Variants in UBE2M observed in about 807,000 individuals in gnomAD.
UBE2M encodes ubiquitin conjugating enzyme E2 M, also known as NEDD8-conjugating enzyme Ubc12.
In UBE2M, 2 loss-of-function variants were observed where a neutral mutation model predicts 23.5. That is an observed-to-expected ratio of 0.09 (90% CI 0.03 to 0.27). The LOEUF (loss-of-function observed/expected upper bound fraction) is 0.27. UBE2M is among the 10% of genes least tolerant of loss of function. The pLI, the probability that UBE2M is intolerant of heterozygous loss-of-function variation, is 1.00. For missense variants in UBE2M, 103 were observed against 232.9 expected, an observed-to-expected ratio of 0.44 and a Z score of 3.63; for synonymous variants, 97 against 95.2, an observed-to-expected ratio of 1.02 and a Z score of -0.11.
intron 1 of UBE2M, among the ~76,000 whole-genome samples, chr19:58,557,411 C>T (rs2053899123): frequency 6.6e-6 from 1 of 151,908 alleles, no homozygotes. Flanking sequence ...AACTCCTGGC[C>T]CAGGGTGACC....
At chr19:58,557,824 A>T (rs1041778727) in intron 1 of UBE2M, among the ~76,000 whole-genome samples, 1 of 151,794 alleles carries the variant, frequency 6.6e-6, no homozygotes, top group Non-Finnish European at 1.5e-5. Flanking sequence ...CTGGTCCTCC[A>T]ACCTACTTCA....
In UBE2M at chr19:58,558,506, G is replaced by T; in HGVS notation, c.-125C>A. 1 of 333,678 alleles carries T rather than the reference G, an allele frequency of 3.0e-6. No homozygotes were observed. Among genetic ancestry groups the T allele is most frequent in the Non-Finnish European group, 4.3e-6 (1 of 234,700 alleles). The allele number at this position is 333,678 out of a possible 1,614,324, so 20.7% of individuals were successfully genotyped here. A position where few individuals can be genotyped will look rare whatever the true frequency, so the allele number is the denominator to read the frequency against. ...AGCTGCGGCCTCCTCCGCTGCTGCC[G>T]CCACCCGCCCGGCCTGCCGCGCCGC... On this transcript the variant is annotated 5_prime_UTR_variant, in exon 1 of 6. Coordinates refer to ENST00000253023, the MANE Select transcript of UBE2M (RefSeq NM_003969.4). This position sits in a 1 kb window ranked among gnomAD's most constrained non-coding sequence, Gnocchi z 4.7.
rs565813317 is a variant in UBE2M, at chr19:58,555,923, T to TA, written c.*165dup. ...AGCGCCGACCTTAATCACATGGTGT[T>TA]AAAAAAAAAAAAATAACTAGGGGCA... On this transcript the variant is annotated 3_prime_UTR_variant, in exon 6 of 6. Transcript: ENST00000253023. The TA allele has an allele frequency of 0.017, 14,724 of 841,966 alleles. 17 individuals are homozygous for TA. The highest frequency in any genetic ancestry group is 0.035 in the African/African-American group (1,941 of 55,800). The allele number at this position is 841,966 out of a possible 1,614,324, so 52.2% of individuals were successfully genotyped here. A position where few individuals can be genotyped will look rare whatever the true frequency, so the allele number is the denominator to read the frequency against.
In UBE2M at chr19:58,557,044, C is replaced by A. The variant is rs780794393; in HGVS notation, c.204+19G>T. 64 of 1,613,926 alleles carry A rather than the reference C, an allele frequency of 4.0e-5. No individual in the cohort carries two copies. The highest frequency in any genetic ancestry group is 5.1e-5 in the Non-Finnish European group (60 of 1,179,948). ...CACCCTTGGTTTGCTCCTGGGAATTCAGCCATATGCACCCTCACCTCATCA... is the reference window on the plus strand; with the variant it reads ...CACCCTTGGTTTGCTCCTGGGAATTAAGCCATATGCACCCTCACCTCATCA... On this transcript the variant is annotated intron_variant, in intron 2 of 5. Coordinates refer to ENST00000253023, the MANE Select transcript of UBE2M (RefSeq NM_003969.4).
chr19:58,558,253 C>G lies in UBE2M; in HGVS notation c.109+20G>C. ...CTGACCTCCGACCTCCGGCTCCAAC[C>G]CCATCCCCTGACCCCCTACCCTTCT... On this transcript the variant is annotated intron_variant, in intron 1 of 5. Coordinates refer to ENST00000253023, the MANE Select transcript of UBE2M (RefSeq NM_003969.4). This position sits in a 1 kb window ranked among gnomAD's most constrained non-coding sequence, Gnocchi z 4.7. The G allele has an allele frequency of 6.3e-7, 1 of 1,598,108 alleles. No individual in the cohort carries two copies. The highest frequency in any genetic ancestry group is 8.5e-7 in the Non-Finnish European group (1 of 1,172,442).
At position 58,557,054 on chromosome 19, in the gene UBE2M, C is replaced by A. The variant is rs779148259; in HGVS notation, c.204+9G>T. ...TTGCTCCTGGGAATTCAGCCATATG[C>A]ACCCTCACCTCATCAGGACAGATGA... On this transcript the variant is annotated intron_variant, in intron 2 of 5. Coordinates refer to ENST00000253023, the MANE Select transcript of UBE2M (RefSeq NM_003969.4). 3 of 1,613,968 alleles carry A rather than the reference C, an allele frequency of 1.9e-6. No individual in the cohort carries two copies. In the African/African-American group the frequency reaches 4.0e-5, roughly 22 times the overall value.
At position 58,556,397 on chromosome 19, in the gene UBE2M, C is replaced by T; in HGVS notation, c.348-18G>A. ...AGTCCTCTCTGTGGACAGAGAGCAT[C>T]AGGGTCAGGGCTTGGTGAGTGGGAG... On this transcript the variant is annotated intron_variant, in intron 4 of 5. Coordinates refer to ENST00000253023, the MANE Select transcript of UBE2M (RefSeq NM_003969.4). The surrounding 1 kb of genome is among the most constrained non-coding windows in gnomAD (Gnocchi z 4.9). 3.1e-6 allele frequency: 5 copies of T among 1,613,030 alleles called. No individual in the cohort carries two copies. Among genetic ancestry groups the T allele is most frequent in the South Asian group, 1.1e-5 (1 of 91,018 alleles).
In UBE2M at chr19:58,555,951, T is replaced by A; in HGVS notation, c.*138A>T. ...AAAAAAAAAAATAACTAGGGGCACG[T>A]GGCAGGAAGGGGAGGCAAGGCCAAG... is the stretch of plus-strand genomic sequence containing the variant. On this transcript the variant is annotated 3_prime_UTR_variant, in exon 6 of 6. Coordinates refer to ENST00000253023, the MANE Select transcript of UBE2M (RefSeq NM_003969.4). The A allele has an allele frequency of 8.2e-7, 1 of 1,224,476 alleles. No homozygotes were observed. The highest frequency in any genetic ancestry group is 1.1e-6 in the Non-Finnish European group (1 of 906,274). The allele number at this position is 1,224,476 out of a possible 1,614,324, so 75.9% of individuals were successfully genotyped here.
chr19:58,556,518 G>T lies in UBE2M; in HGVS notation c.348-139C>A. ...GGGAGGGAGGGTGTGGAGCAGGACA[G>T]GCCAAGGAGAAAACCAAGGTCAGGC... is the stretch of plus-strand genomic sequence containing the variant. On this transcript the variant is annotated intron_variant, in intron 4 of 5. Coordinates refer to ENST00000253023, the MANE Select transcript of UBE2M (RefSeq NM_003969.4). This position sits in a 1 kb window ranked among gnomAD's most constrained non-coding sequence, Gnocchi z 4.9. The T allele has an allele frequency of 9.1e-7, 1 of 1,104,464 alleles. No homozygotes were observed. Among genetic ancestry groups the T allele is most frequent in the Non-Finnish European group, 1.3e-6 (1 of 773,430 alleles). 68.4% of individuals were successfully genotyped at this position (1,104,464 alleles called of 1,614,324 possible).
At position 58,556,474 on chromosome 19, in the gene UBE2M, A is replaced by G. The variant is rs2053891379; in HGVS notation, c.348-95T>C. The G allele has an allele frequency of 7.2e-7, 1 of 1,379,488 alleles. No homozygotes were observed. Among genetic ancestry groups the G allele is most frequent in the South Asian group, 1.2e-5 (1 of 83,292 alleles). The allele number at this position is 1,379,488 out of a possible 1,614,324, so 85.5% of individuals were successfully genotyped here. Reference sequence around the variant, plus strand: ...GCAGGTCAGATCCAGGGCATAGGAGAGTGAGCATGTGAGAGGCTGGGAGGG... The same window carrying G: ...GCAGGTCAGATCCAGGGCATAGGAGGGTGAGCATGTGAGAGGCTGGGAGGG... On this transcript the variant is annotated intron_variant, in intron 4 of 5. Coordinates refer to ENST00000253023, the MANE Select transcript of UBE2M (RefSeq NM_003969.4). This position sits in a 1 kb window ranked among gnomAD's most constrained non-coding sequence, Gnocchi z 4.9.
In UBE2M at chr19:58,556,049, C is replaced by CA. The variant is rs1444167566; in HGVS notation, c.*39dup. 6.3e-7 allele frequency: 1 copy of CA among 1,587,774 alleles called. No homozygotes were observed. The highest frequency in any genetic ancestry group is 1.3e-5 in the African/African-American group (1 of 74,458). ...CCCAATAAATATTTGCAGGGGATGC[C>CA]AGGGCTTGTGGCCGTGGCGGGGGTG... On this transcript the variant is annotated 3_prime_UTR_variant, in exon 6 of 6. Coordinates refer to ENST00000253023, the MANE Select transcript of UBE2M (RefSeq NM_003969.4). The surrounding 1 kb of genome is among the most constrained non-coding windows in gnomAD (Gnocchi z 4.9).
At position 58,555,829 on chromosome 19, in the gene UBE2M, G is replaced by A. The variant is rs1055139053; in HGVS notation, c.*260C>T. 5 of 535,396 alleles carry A rather than the reference G, an allele frequency of 9.3e-6. No homozygotes were observed. The highest frequency in any genetic ancestry group is 1.9e-5 in the African/African-American group (1 of 52,584). 33.2% of individuals were successfully genotyped at this position (535,396 alleles called of 1,614,324 possible). On this transcript the variant is annotated 3_prime_UTR_variant, in exon 6 of 6. Transcript: ENST00000253023. The stretch of plus-strand genomic sequence containing the variant: ...CACTCCACAGCCCAGAGTGGGGGCT[G>A]AACAAGCACCCAGCAGGGGGGCTAG...
intron 1 of UBE2M, 70 bp from the exon 2 acceptor site, chr19:58,557,227 G>A: frequency 1.4e-6 from 2 of 1,473,554 alleles, no homozygotes; most frequent in East Asian, 2.3e-5. Flanking sequence ...GGAGCCAGCA[G>A]GACACTTAGG....
Position 58,555,910 on chromosome 19 carries a change from A to G in UBE2M, c.*179T>C, listed in dbSNP as rs573233376. The G allele has an allele frequency of 6.1e-4, 496 of 817,758 alleles. 1 individual carries two copies. Among genetic ancestry groups the G allele is most frequent in the Middle Eastern group, 2.6e-3 (7 of 2,662 alleles). The allele number at this position is 817,758 out of a possible 1,614,324, so 50.7% of individuals were successfully genotyped here. A position where few individuals can be genotyped will look rare whatever the true frequency, so the allele number is the denominator to read the frequency against. On this transcript the variant is annotated 3_prime_UTR_variant, in exon 6 of 6. Coordinates refer to ENST00000253023, the MANE Select transcript of UBE2M (RefSeq NM_003969.4). ...GGTCGGGGGAGGCAGCGCCGACCTT[A>G]ATCACATGGTGTTAAAAAAAAAAAA...
chr19:58,557,008 C>G, intron 2 of UBE2M, 55 bp downstream of exon 2: 2 of 1,613,240 alleles, frequency 1.2e-6, no homozygotes, highest in Middle Eastern at 1.7e-4. Context: ...TCTCCCTCCT[C>G]TCAGTGGGGA....
chr19:58,558,438 G>A lies in UBE2M; in HGVS notation c.-57C>T. 1.1e-6 allele frequency: 1 copy of A among 922,848 alleles called. No homozygotes were observed. The highest frequency in any genetic ancestry group is 1.3e-6 in the Non-Finnish European group (1 of 773,646). 57.2% of individuals were successfully genotyped at this position (922,848 alleles called of 1,614,324 possible). ...CGGGGCCCGGGACCCCGGCCACCCG[G>A]CCCCCCGCCGCCGCCCGCGTCGCCT... is the stretch of plus-strand genomic sequence containing the variant. On this transcript the variant is annotated 5_prime_UTR_variant, in exon 1 of 6. Coordinates refer to ENST00000253023, the MANE Select transcript of UBE2M (RefSeq NM_003969.4). The surrounding 1 kb of genome is among the most constrained non-coding windows in gnomAD (Gnocchi z 4.7).
chr19:58,557,096 G>C lies in UBE2M; in HGVS notation c.171C>G (p.Leu57=). The change falls in exon 2 of 6, where the codon CTC becomes CTG. Residue 57 remains leucine (L), a synonymous_variant. Transcript: ENST00000253023. ...GACAGATGACCAGCTTGAAGTTGAG[G>C]AGGTCGTCTGGATCTGAGAAGCTGA... ...CDISFSDPDD[L]LNFKLVICPD... is the part of the protein sequence containing the mutation. 1.2e-6 allele frequency: 2 copies of C among 1,614,068 alleles called. No individual in the cohort carries two copies. Among genetic ancestry groups the C allele is most frequent in the Non-Finnish European group, 1.7e-6 (2 of 1,179,992 alleles).
chr19:58,557,220 GCC>G, intron 1 of UBE2M, 63 bp from the exon 2 acceptor site: 1 of 1,390,672 alleles, frequency 7.2e-7, no homozygotes, highest in Non-Finnish European at 1.0e-6. Flanking sequence ...GAGAGAGGGA[GCC>G]AGCAGGACAC....
At position 58,556,539 on chromosome 19, in the gene UBE2M, C is replaced by T; in HGVS notation, c.347+148G>A. ...GACAGGCCAAGGAGAAAACCAAGGT[C>T]AGGCCATGAGGAAGATGACTGGGAA... is the stretch of plus-strand genomic sequence containing the variant. On this transcript the variant is annotated intron_variant, in intron 4 of 5. Coordinates refer to ENST00000253023, the MANE Select transcript of UBE2M (RefSeq NM_003969.4). This position sits in a 1 kb window ranked among gnomAD's most constrained non-coding sequence, Gnocchi z 4.9. 9.4e-7 allele frequency: 1 copy of T among 1,067,146 alleles called. No homozygotes were observed. The highest frequency in any genetic ancestry group is 2.6e-5 in the East Asian group (1 of 39,000). The allele number at this position is 1,067,146 out of a possible 1,614,324, so 66.1% of individuals were successfully genotyped here. A position where few individuals can be genotyped will look rare whatever the true frequency, so the allele number is the denominator to read the frequency against.
Sources: gnomAD v4.1 joint callset for allele counts (sites outside exome capture counted in the v4.1 genomes callset) on GRCh38, gnomAD v4.1.1 for gene constraint, Gnocchi (gnomAD v3.1) non-coding constraint, MANE v1.5 for transcripts, NCBI Gene and HGNC (gene_info 2026-07-23, HGNC 2026-07-21) for gene names.